The following PBLD variants were observed in gnomAD, a reference collection of about 807,000 sequenced individuals.
PBLD encodes phenazine biosynthesis-like domain-containing protein.
In PBLD, 26 loss-of-function variants were observed where a neutral mutation model predicts 31.3. That is an observed-to-expected ratio of 0.83 (90% CI 0.61 to 1.15). The LOEUF (loss-of-function observed/expected upper bound fraction) is 1.15. Ranked by LOEUF, PBLD falls within the 50% of genes most tolerant of loss-of-function variation. The probability of loss-of-function intolerance (pLI) is 0.00; values close to 1 mark genes in which losing one functional copy is unlikely to be tolerated. For synonymous variants in PBLD, 114 were observed against 129.0 expected (o/e 0.88, Z 0.79); for missense variants, 307 against 351.7 (o/e 0.87, Z 1.02).
chr10:68,327,136 G>A (rs889157521), intron 1 of PBLD, among the ~76,000 whole-genome samples: 1 of 152,074 alleles, frequency 6.6e-6, no homozygotes, highest in East Asian at 1.9e-4. Context: ...TGTCAGAACT[G>A]GGACTCCCTG....
intron 3 of PBLD, 116 bp from the exon 4 acceptor site, chr10:68,296,480 T>C: frequency 1.4e-6 from 1 of 715,186 alleles, no homozygotes; most frequent in Non-Finnish European, 2.4e-6. Context: ...CCAAAACATG[T>C]TGTAAAAGGA....
intron 2 of PBLD, among the ~76,000 whole-genome samples, chr10:68,301,319 T>C (rs997183110): frequency 2.0e-5 from 3 of 152,106 alleles, no homozygotes; most frequent in Non-Finnish European, 4.4e-5. Flanking sequence ...TGGGCCTGGA[T>C]AAGTGAGAAA....
Position 68,296,363 on chromosome 10 carries a change from A to G in PBLD, c.186T>C (p.Ser62=). Residue 62 remains serine (S), a splice_region_variant and synonymous_variant, in exon 4 of 10, where the codon AGT becomes AGC. Transcript: ENST00000358769. ...KLHPTDNFAQ[S]SCFGLRWFTP... ...TAAACCATCTCAGTCCAAAGCAGGA[A>G]CCTGAGGATAGGAAAAGCCAAAGAG... 1 of 1,611,134 alleles carries G rather than the reference A, an allele frequency of 6.2e-7. No individual in the cohort carries two copies. Among genetic ancestry groups the G allele is most frequent in the Non-Finnish European group, 8.5e-7 (1 of 1,177,796 alleles).
intron 1 of PBLD, among the ~76,000 whole-genome samples, chr10:68,326,930 C>A (rs576221651): frequency 6.6e-6 from 1 of 152,250 alleles, no homozygotes; most frequent in East Asian, 1.9e-4. Context: ...GCCTGTAATT[C>A]CAGCTACTCG....
At chr10:68,306,700 A>C (rs1407445880) in intron 2 of PBLD, 61 bp downstream of exon 2, 11 of 1,458,654 alleles carry the variant, frequency 7.5e-6, no homozygotes. Flanking sequence ...TTTTAAAATA[A>C]GTAATTGTTT....
chr10:68,288,278 G>A, intron 8 of PBLD: 1 of 589,758 alleles, frequency 1.7e-6, no homozygotes, highest in Non-Finnish European at 2.9e-6. Context: ...CTGACACTCA[G>A]GTTTAACCCT....
In PBLD at chr10:68,284,945, A is replaced by C. The variant is rs4745957; in HGVS notation, c.754+403T>G. 33 of 916,564 alleles carry C rather than the reference A, an allele frequency of 3.6e-5. 1 individual carries two copies. The South Asian group carries it at 1.3e-3, about 37-fold the overall frequency. The allele number at this position is 916,564 out of a possible 1,614,324, so 56.8% of individuals were successfully genotyped here. Reference sequence around the variant, plus strand: ...GCTGCCATCATTTTTCTCTGCCTCTAAGCAATACATTAATCACTAGGGGAC... The same window carrying C: ...GCTGCCATCATTTTTCTCTGCCTCTCAGCAATACATTAATCACTAGGGGAC... On this transcript the variant is annotated intron_variant, in intron 9 of 9. Transcript: ENST00000358769.
rs773402257 is a variant in PBLD at position 68,310,384 on chromosome 10, T to TAC, written c.-59-3483_-59-3482dup. 1.0e-3 allele frequency among the ~76,000 whole-genome samples: 150 copies of TAC among 147,442 alleles called. 1 individual carries two copies. The highest frequency in any genetic ancestry group is 1.6e-3 in the Non-Finnish European group (105 of 67,370). On this transcript the variant is annotated intron_variant, in intron 1 of 9. Coordinates refer to ENST00000358769, the MANE Select transcript of PBLD (RefSeq NM_022129.4). ...TTTGAAGTATATATATATATATATA[T>TAC]ACACATTGTGAAATGGTTAAATCTA...
At position 68,325,045 on chromosome 10, in the gene PBLD, A is replaced by T. The variant is rs563432104; in HGVS notation, c.-60+7739T>A. Among the ~76,000 whole-genome samples, 5 of 148,326 alleles carry T rather than the reference A, an allele frequency of 3.4e-5. No individual in the cohort carries two copies. The South Asian group carries it at 1.2e-3, about 34-fold the overall frequency. ...CAGATCACGAGGTCAGGAGTTCAAGACCAGCCTGGCCAACATGGTGAAACC... is the reference window on the plus strand; with the variant it reads ...CAGATCACGAGGTCAGGAGTTCAAGTCCAGCCTGGCCAACATGGTGAAACC... On this transcript the variant is annotated intron_variant, in intron 1 of 9. Coordinates refer to ENST00000358769, the MANE Select transcript of PBLD (RefSeq NM_022129.4).
chr10:68,296,643 C>T (rs1030942012), intron 3 of PBLD, among the ~76,000 whole-genome samples: 3 of 152,174 alleles, frequency 2.0e-5, no homozygotes, highest in Non-Finnish European at 4.4e-5. Flanking sequence ...AATAAGGGGG[C>T]ATTTTCCTTA....
At chr10:68,330,709 CGTGTGTGT>C (rs56166847) in intron 1 of PBLD, among the ~76,000 whole-genome samples, 6,646 of 142,836 alleles carry the variant, frequency 0.047, 205 homozygotes, top group Middle Eastern at 0.08. Flanking sequence ...CCACGCCCGG[CGTGTGTGT>C]GTGTGTGTGT....
rs1202365460 is a variant in PBLD, at chr10:68,283,591, T to G, written c.*586A>C. ...CTCAGAAATGTATTCCTCCTTCTCT[T>G]GATTGGTAGTCATAATCAAATGAAG... On this transcript the variant is annotated 3_prime_UTR_variant, in exon 10 of 10. Transcript: ENST00000358769. 6.6e-6 allele frequency: 1 copy of G among 152,336 alleles called. No individual in the cohort carries two copies. The highest frequency in any genetic ancestry group is 1.5e-5 in the Non-Finnish European group (1 of 68,142). The allele number at this position is 152,336 out of a possible 1,614,324, so 9.4% of individuals were successfully genotyped here.
At chr10:68,306,676 A>T (rs998805268) in intron 2 of PBLD, 85 bp downstream of exon 2, 43 of 1,234,006 alleles carry the variant, frequency 3.5e-5, no homozygotes, top group Admixed American at 3.1e-4. Context: ...GTAAACAAAC[A>T]GGTGAAACTA....
At chr10:68,332,161 C>G (rs2045158937) in intron 1 of PBLD, 1 of 152,290 alleles carries the variant, frequency 6.6e-6, no homozygotes, top group Non-Finnish European at 1.5e-5. Context: ...CGACTTCTCC[C>G]TTCTTTGAAC....
Position 68,326,433 on chromosome 10 carries a change from C to T in PBLD, c.-60+6351G>A, listed in dbSNP as rs562854155. Among the ~76,000 whole-genome samples the T allele has an allele frequency of 1.4e-4, 21 of 152,294 alleles. No homozygotes were observed. In the South Asian group the frequency reaches 4.4e-3, roughly 32 times the overall value. On this transcript the variant is annotated intron_variant, in intron 1 of 9. Transcript: ENST00000358769. ...ATCAATTTCCATTTATTAATAACAG[C>T]TGCATCTGCCTATATTGGAAAATCA...
chr10:68,297,960 A>AAAT (rs1554857940), intron 2 of PBLD, among the ~76,000 whole-genome samples: 1 of 8,158 alleles, frequency 1.2e-4, no homozygotes, highest in East Asian at 6.6e-3. Flanking sequence ...AGATTTAAAT[A>AAAT]AAAAAAAAAA....
intron 9 of PBLD, 85 bp downstream of exon 9, chr10:68,285,263 A>C: frequency 6.2e-7 from 1 of 1,605,724 alleles, no homozygotes; most frequent in South Asian, 1.1e-5. Flanking sequence ...ATTGTATTAC[A>C]TTTTCAAGGG....
chr10:68,293,832 A>T (rs535382374), intron 4 of PBLD, among the ~76,000 whole-genome samples: 24 of 151,840 alleles, frequency 1.6e-4, no homozygotes, highest in African/African-American at 4.8e-4. Context: ...AAAATTAGCC[A>T]GGCGTGGTGG....
At chr10:68,321,224 C>T (rs1312466982) in intron 1 of PBLD, among the ~76,000 whole-genome samples, 1 of 151,996 alleles carries the variant, frequency 6.6e-6, no homozygotes, top group African/African-American at 2.4e-5. Flanking sequence ...ATTGAGTTCA[C>T]AGATACAGGA....
Sources: gnomAD v4.1 joint callset for allele counts (sites outside exome capture counted in the v4.1 genomes callset) on GRCh38, gnomAD v4.1.1 for gene constraint, MANE v1.5 for transcripts, NCBI Gene and HGNC (gene_info 2026-07-23, HGNC 2026-07-21) for gene names.